Variants in TAB2 observed in about 807,000 individuals in gnomAD.
The protein encoded by TAB2 is TGF-beta-activated kinase 1 and MAP3K7-binding protein 2.
Under a neutral mutation model 65.0 loss-of-function variants are expected in TAB2, and 3 were observed. The observed-to-expected ratio is 0.05, with a 90% CI of 0.02 to 0.12. The LOEUF is 0.12. TAB2 is among the 10% of genes least tolerant of loss of function. The pLI is 1.00. For synonymous variants in TAB2, 298 were observed against 285.1 expected (o/e 1.05, Z -0.46); for missense variants, 623 against 840.3 (o/e 0.74, Z 3.20).
intron 1 of TAB2, among the ~76,000 whole-genome samples, chr6:149,227,830 G>A (rs1462781725): frequency 6.6e-6 from 1 of 152,108 alleles, no homozygotes; most frequent in Non-Finnish European, 1.5e-5. Flanking sequence ...TTATTACTGG[G>A]TGATGGGTTC....
At chr6:149,400,440 C>T in intron 6 of TAB2, 3 of 1,614,216 alleles carry the variant, frequency 1.9e-6, no homozygotes, top group Non-Finnish European at 2.5e-6. Context: ...GAACAACAAT[C>T]ATATTAATTT....
chr6:149,321,233 A>G (rs1041852875), intron 1 of TAB2: 1 of 152,206 alleles, frequency 6.6e-6, no homozygotes, highest in Admixed American at 6.5e-5. Context: ...ATTTGGAGAC[A>G]TTGAAATTAT....
chr6:149,261,548 G>A (rs1321910997), intron 1 of TAB2, among the ~76,000 whole-genome samples: 1 of 152,252 alleles, frequency 6.6e-6, no homozygotes, highest in East Asian at 1.9e-4. Flanking sequence ...ATGAAAGGGA[G>A]CAAAGTCTCC....
intron 2 of TAB2, 94 bp downstream of exon 2, chr6:149,370,193 T>C (rs1318737096): frequency 9.0e-7 from 1 of 1,107,742 alleles, no homozygotes; most frequent in East Asian, 2.5e-5. Context: ...TTCTTGTTGG[T>C]GTTAGTGTAT....
intron 3 of TAB2, among the ~76,000 whole-genome samples, chr6:149,384,806 A>C (rs1015210668): frequency 1.3e-5 from 2 of 152,164 alleles, no homozygotes; most frequent in African/African-American, 4.8e-5. Flanking sequence ...ATTCCAACAA[A>C]TTTTCATGGT....
intron 1 of TAB2, among the ~76,000 whole-genome samples, chr6:149,297,852 A>T (rs1778904748): frequency 6.6e-6 from 1 of 152,170 alleles, no homozygotes; most frequent in Non-Finnish European, 1.5e-5. Context: ...TATATGTTTT[A>T]ATGAAGGATC....
chr6:149,378,543 G>A lies in TAB2; in HGVS notation c.628G>A (p.Gly210Arg), dbSNP rs774890725. ...VPPPVLNSPQ[G>R]NSIYIRPYIT... The stretch of plus-strand genomic sequence containing the variant: ...TCCACCTGTACTTAACAGTCCACAG[G>A]GAAATTCTATCTATATTAGGCCTTA... Residue 210 changes from glycine (G) to arginine (R), a missense_variant, in exon 3 of 7, where the codon GGA (glycine) becomes AGA (arginine). Physicochemically the swap from Gly to Arg is moderately radical, Grantham distance 125 (BLOSUM62 -2). This residue lies in a region of TAB2 where 550 missense variants were observed against 665.7 expected (regional missense o/e 0.83). Transcript: ENST00000637181. 6 of 1,613,890 alleles carry A rather than the reference G, an allele frequency of 3.7e-6. No homozygotes were observed.
chr6:149,378,846 C>G lies in TAB2; in HGVS notation c.931C>G (p.Gln311Glu). The G allele has an allele frequency of 1.2e-6, 2 of 1,614,158 alleles. No homozygotes were observed. The highest frequency in any genetic ancestry group is 2.2e-5 in the South Asian group (2 of 91,082). Residue 311 changes from glutamine to glutamate, a missense_variant, in exon 3 of 7, where the codon CAA (glutamine) becomes GAA (glutamate). This residue lies in a region of TAB2 where 550 missense variants were observed against 665.7 expected (regional missense o/e 0.83). Coordinates refer to ENST00000637181, the MANE Select transcript of TAB2 (RefSeq NM_001292034.3). ...TAGCTCACAGTCTTCTGCCCATAGCCAATATAACATTCAGAATATTTCAAC... is the reference window on the plus strand; with the variant it reads ...TAGCTCACAGTCTTCTGCCCATAGCGAATATAACATTCAGAATATTTCAAC... ...SGSSQSSAHS[Q>E]YNIQNISTGP...
intron 1 of TAB2, among the ~76,000 whole-genome samples, chr6:149,268,532 A>G (rs1422041313): frequency 2.6e-5 from 4 of 152,240 alleles, no homozygotes; most frequent in African/African-American, 9.6e-5. Context: ...AAATGTTGAC[A>G]TTTATGATGA....
At chr6:149,322,158 G>T (rs1779477085) in intron 1 of TAB2, among the ~76,000 whole-genome samples, 1 of 152,096 alleles carries the variant, frequency 6.6e-6, no homozygotes, top group Non-Finnish European at 1.5e-5. Flanking sequence ...GATGCTGGAG[G>T]TGCCGTATTG....
At position 149,281,555 on chromosome 6, in the gene TAB2, C is replaced by CAAAAAAAA. The variant is rs59196897; in HGVS notation, c.-121+62798_-121+62805dup. On this transcript the variant is annotated intron_variant, in intron 1 of 1. Transcript: ENST00000606202. The stretch of plus-strand genomic sequence containing the variant: ...TGAACAACACAGCAAGATGCCATCT[C>CAAAAAAAA]AAAAAAAAAAAAAAAAAAAAAAAAA... 5.7e-4 allele frequency among the ~76,000 whole-genome samples: 40 copies of CAAAAAAAA among 70,338 alleles called. 10 individuals carry two copies. Among genetic ancestry groups the CAAAAAAAA allele is most frequent in the African/African-American group, 1.5e-3 (30 of 19,642 alleles). 46.1% of individuals were successfully genotyped at this position (70,338 alleles called of 152,430 possible).
At chr6:149,279,392 TCCATACGCTTAC>T (rs1778532233) in intron 1 of TAB2, among the ~76,000 whole-genome samples, 1 of 152,156 alleles carries the variant, frequency 6.6e-6, no homozygotes, top group Non-Finnish European at 1.5e-5. Context: ...CTCTTCTTCC[TCCATACGCTTAC>T]CCTGGGTAAT....
intron 1 of TAB2, among the ~76,000 whole-genome samples, chr6:149,269,870 T>A (rs537888396): frequency 6.6e-6 from 1 of 152,340 alleles, no homozygotes; most frequent in Admixed American, 6.5e-5. Context: ...TGTTTCCAGT[T>A]TTTGGTGATT....
chr6:149,385,674 A>C (rs1294124616), intron 3 of TAB2, among the ~76,000 whole-genome samples: 2 of 152,132 alleles, frequency 1.3e-5, no homozygotes, highest in African/African-American at 4.8e-5. Flanking sequence ...GAAGAATTCT[A>C]CTCCAAAGGT....
chr6:149,267,927 CA>C (rs761124355), intron 1 of TAB2, among the ~76,000 whole-genome samples: 13 of 152,036 alleles, frequency 8.6e-5, no homozygotes, highest in South Asian at 2.1e-4. Flanking sequence ...TATTGTTGAC[CA>C]AAACGTCATT....
rs577795185 is a variant in TAB2 at position 149,268,894 on chromosome 6, C to T, written c.-121+50118C>T. On this transcript the variant is annotated intron_variant, in intron 1 of 1. Coordinates refer to the TAB2 transcript ENST00000606202. ...CAATTCTCTTAGCTACAGAATGAGT[C>T]GATCTTTTTCATATCAAATTACTTT... Among the ~76,000 whole-genome samples, 4 of 152,236 alleles carry T rather than the reference C, an allele frequency of 2.6e-5. No individual in the cohort carries two copies. In the East Asian group the frequency reaches 5.8e-4, roughly 22 times the overall value.
chr6:149,395,356 T>C (rs980758382), intron 3 of TAB2, among the ~76,000 whole-genome samples: 1 of 152,272 alleles, frequency 6.6e-6, no homozygotes, highest in Non-Finnish European at 1.5e-5. Flanking sequence ...TATCCCTGTC[T>C]GGTTTTTGTT....
chr6:149,221,427 A>T (rs1371677997), intron 1 of TAB2: 2 of 152,212 alleles, frequency 1.3e-5, no homozygotes, highest in Non-Finnish European at 2.9e-5. Flanking sequence ...ATCCGCCTCC[A>T]TGGCTACTGC....
At chr6:149,293,427 T>A (rs611550) in intron 1 of TAB2, among the ~76,000 whole-genome samples, 2 of 152,088 alleles carry the variant, frequency 1.3e-5, no homozygotes, top group Non-Finnish European at 2.9e-5. Flanking sequence ...ATTAATTCAC[T>A]TCTTATGTGT....
Sources: gnomAD v4.1 joint callset for allele counts (sites outside exome capture counted in the v4.1 genomes callset) on GRCh38, gnomAD v4.1.1 for gene constraint, gnomAD v4.1.1 regional missense constraint, MANE v1.5 for transcripts, NCBI Gene and HGNC (gene_info 2026-07-23, HGNC 2026-07-21) for gene names.